The following MALAT1 variants were observed in gnomAD, a reference collection of about 807,000 sequenced individuals.
The protein encoded by MALAT1 is hepcarcin.
exon 3 of MALAT1, chr11:65,502,464 T>C: frequency 2.0e-6 from 1 of 498,752 alleles, no homozygotes; most frequent in Non-Finnish European, 3.9e-6. Context: ...TTCCATTGTT[T>C]AACTGCAAAA....
exon 3 of MALAT1, chr11:65,499,131 AAGAT>A (rs763579647): frequency 3.3e-5 from 17 of 517,822 alleles, no homozygotes; most frequent in South Asian, 2.0e-4. Flanking sequence ...TTCTCTTTGA[AAGAT>A]AGAGATTAAT....
At chr11:65,505,307 T>C (rs759258261) in intron 3 of MALAT1, 11 of 518,748 alleles carry the variant, frequency 2.1e-5, no homozygotes, top group Non-Finnish European at 3.1e-5. Flanking sequence ...CTCACCTGAT[T>C]TTTATTAGTA....
At chr11:65,501,373 T>C (rs561978659) in exon 3 of MALAT1, 7 of 518,516 alleles carry the variant, frequency 1.4e-5, no homozygotes, top group Admixed American at 1.9e-5. Flanking sequence ...GTTTACAGTT[T>C]ATAGAAACTA....
At chr11:65,499,137 G>A in exon 3 of MALAT1, 2 of 517,454 alleles carry the variant, frequency 3.9e-6, no homozygotes, top group South Asian at 1.4e-5. Context: ...TTGAAAGATA[G>A]AGATTAATAC....
At chr11:65,498,737 A>G (rs1464138857) in intron 2 of MALAT1, 2 of 518,762 alleles carry the variant, frequency 3.9e-6, no homozygotes, top group Non-Finnish European at 7.7e-6. Flanking sequence ...TTTAAGAGGT[A>G]TTTTAAAAGT....
chr11:65,498,388 A>G (rs754291566), intron 1 of MALAT1: 12 of 518,360 alleles, frequency 2.3e-5, no homozygotes, highest in African/African-American at 2.1e-4. Context: ...CTGGCAGCCA[A>G]CGGCCCCCGG....
chr11:65,499,931 A>G (rs943868674), exon 3 of MALAT1: 12 of 434,508 alleles, frequency 2.8e-5, no homozygotes, highest in Non-Finnish European at 4.1e-5. Flanking sequence ...CAAGTATTGG[A>G]GAAGTATAGA....
At chr11:65,499,903 A>G (rs532337893) in exon 3 of MALAT1, 3 of 432,564 alleles carry the variant, frequency 6.9e-6, no homozygotes, top group South Asian at 3.4e-5. Context: ...CAGATAGAAA[A>G]TGAAAAACAA....
At chr11:65,500,237 G>A (rs1018185362) in exon 3 of MALAT1, 1 of 517,256 alleles carries the variant, frequency 1.9e-6, no homozygotes, top group Non-Finnish European at 3.9e-6. Flanking sequence ...GAATTTGGAA[G>A]GCCTTAAATA....
chr11:65,498,926 C>T (rs1179668104), intron 2 of MALAT1: 2 of 518,856 alleles, frequency 3.9e-6, no homozygotes, highest in South Asian at 1.4e-5. Context: ...AAAACTAGAA[C>T]CTATTTTTAA....
downstream of MALAT1, chr11:65,506,431 CTT>C (rs777535514): frequency 2.5e-5 from 9 of 357,322 alleles, no homozygotes; most frequent in African/African-American, 1.5e-4. Flanking sequence ...CTGCTGAAAA[CTT>C]AACAATTTTG....
chr11:65,501,143 C>G, exon 3 of MALAT1: 2 of 507,676 alleles, frequency 3.9e-6, no homozygotes, highest in Non-Finnish European at 7.7e-6. Flanking sequence ...AATAGATGAC[C>G]TGTTTTTACT....
intron 1 of MALAT1, chr11:65,498,301 G>GA (rs1240670195): frequency 5.8e-6 from 3 of 518,318 alleles, no homozygotes. Flanking sequence ...CCTGGAAGCT[G>GA]AAAAACGGTA....
intron 3 of MALAT1, chr11:65,504,050 T>TG (rs1411566996): frequency 1.9e-6 from 1 of 517,826 alleles, no homozygotes; most frequent in South Asian, 1.4e-5. Flanking sequence ...AATCTTAGAG[T>TG]GGTAGGCAAT....
exon 3 of MALAT1, chr11:65,500,720 C>G (rs772946161): frequency 5.8e-6 from 3 of 518,870 alleles, no homozygotes; most frequent in Non-Finnish European, 1.2e-5. Context: ...GGATCCTAGA[C>G]CAGCATGCCA....
exon 3 of MALAT1, chr11:65,503,732 C>CT (rs1253596960): frequency 5.8e-6 from 3 of 517,398 alleles, no homozygotes; most frequent in South Asian, 1.4e-5. Flanking sequence ...CTTTCAGAAA[C>CT]TTTGTCTGCG....
chr11:65,504,153 A>G (rs758997877), intron 3 of MALAT1: 21 of 516,852 alleles, frequency 4.1e-5, no homozygotes, highest in Non-Finnish European at 8.1e-5. Flanking sequence ...TCCTTCATGA[A>G]GCCATTCAGG....
exon 3 of MALAT1, chr11:65,501,704 G>A (rs529175601): frequency 9.6e-6 from 5 of 518,890 alleles, no homozygotes; most frequent in African/African-American, 1.9e-5. Context: ...AGTATTCCCA[G>A]TTGAAGCTGA....
chr11:65,504,124 C>T (rs774340870), intron 3 of MALAT1: 5 of 516,282 alleles, frequency 9.7e-6, no homozygotes, highest in Non-Finnish European at 1.5e-5. Context: ...AAAGAATTTT[C>T]CTTTGCAGAG....
Sources: gnomAD v4.1 joint callset for allele counts on GRCh38, gnomAD v4.1.1 for gene constraint, MANE v1.5 for transcripts, NCBI Gene and HGNC (gene_info 2026-07-23, HGNC 2026-07-21) for gene names.